The following BBX variants were observed in gnomAD, a reference collection of about 807,000 sequenced individuals.
BBX encodes BBX high mobility group box domain containing.
A neutral mutation model predicts 100.2 loss-of-function variants in BBX; 30 were observed. That is an observed-to-expected ratio of 0.30 (90% CI 0.22 to 0.41). The LOEUF (loss-of-function observed/expected upper bound fraction) is 0.41. BBX is among the 10% of genes least tolerant of loss of function. The pLI, the probability that BBX is intolerant of heterozygous loss-of-function variation, is 1.00. For synonymous variants in BBX, 376 were observed against 388.1 expected (o/e 0.97, Z 0.37); for missense variants, 1,023 against 1,129.8 (o/e 0.91, Z 1.35).
intron 2 of BBX, among the ~76,000 whole-genome samples, chr3:107,592,703 T>C (rs1053764768): frequency 2.0e-5 from 3 of 152,182 alleles, no homozygotes; most frequent in African/African-American, 7.2e-5. Context: ...CTTTTTCAAA[T>C]TTTTCAAATA....
chr3:107,681,898 T>G (rs1696787393), intron 3 of BBX, among the ~76,000 whole-genome samples: 1 of 152,082 alleles, frequency 6.6e-6, no homozygotes, highest in Non-Finnish European at 1.5e-5. Flanking sequence ...TCCAGAATCT[T>G]ACACCTGCTG....
chr3:107,628,434 C>G (rs1282668947), intron 2 of BBX, among the ~76,000 whole-genome samples: 1 of 151,770 alleles, frequency 6.6e-6, no homozygotes, highest in Admixed American at 6.6e-5. Flanking sequence ...TCTCTCAACT[C>G]AGATGTCAAA....
chr3:107,741,762 C>T (rs2064126158), intron 7 of BBX, among the ~76,000 whole-genome samples: 1 of 152,106 alleles, frequency 6.6e-6, no homozygotes, highest in Non-Finnish European at 1.5e-5. Flanking sequence ...TGATATGGCA[C>T]AATATTTTAA....
At chr3:107,755,018 A>G (rs1226066040) in intron 9 of BBX, among the ~76,000 whole-genome samples, 1 of 152,236 alleles carries the variant, frequency 6.6e-6, no homozygotes, top group African/African-American at 2.4e-5. Context: ...ATAGGCCATT[A>G]ACTGTACAAC....
intron 16 of BBX, 109 bp downstream of exon 16, chr3:107,798,829 A>C: frequency 1.0e-6 from 1 of 974,702 alleles, no homozygotes; most frequent in Non-Finnish European, 1.5e-6. Context: ...ACAATAGCCA[A>C]TGAGCTAAAA....
intron 10 of BBX, among the ~76,000 whole-genome samples, chr3:107,760,640 A>G (rs1369968147): frequency 2.6e-5 from 4 of 152,246 alleles, no homozygotes; most frequent in Non-Finnish European, 5.9e-5. Flanking sequence ...AGTGACACAC[A>G]AAAATGAATG....
chr3:107,768,047 C>A (rs2066536844), intron 10 of BBX, among the ~76,000 whole-genome samples: 1 of 152,198 alleles, frequency 6.6e-6, no homozygotes, highest in African/African-American at 2.4e-5. Flanking sequence ...CAGTGTCACT[C>A]TTTCCGCATC....
intron 3 of BBX, among the ~76,000 whole-genome samples, chr3:107,682,482 C>A (rs2059620004): frequency 6.6e-6 from 1 of 152,070 alleles, no homozygotes; most frequent in African/African-American, 2.4e-5. Flanking sequence ...GGGTCTACTC[C>A]AGCAAACCAA....
At chr3:107,628,041 A>G (rs1481775907) in intron 2 of BBX, among the ~76,000 whole-genome samples, 1 of 152,072 alleles carries the variant, frequency 6.6e-6, no homozygotes, top group East Asian at 1.9e-4. Flanking sequence ...AACTGAAGCA[A>G]TTATCTTCTT....
chr3:107,536,085 C>T (rs1027936141), intron 2 of BBX, among the ~76,000 whole-genome samples: 1 of 152,188 alleles, frequency 6.6e-6, no homozygotes, highest in Non-Finnish European at 1.5e-5. Flanking sequence ...AAACATGAAT[C>T]AGATATAGGG....
chr3:107,541,275 A>G (rs2048844061), intron 2 of BBX, among the ~76,000 whole-genome samples: 1 of 152,174 alleles, frequency 6.6e-6, no homozygotes, highest in Non-Finnish European at 1.5e-5. Flanking sequence ...TATTCTGGCC[A>G]TTTGTCTAGA....
intron 3 of BBX, among the ~76,000 whole-genome samples, chr3:107,698,222 G>A (rs188275907): frequency 6.6e-6 from 1 of 151,554 alleles, no homozygotes; most frequent in South Asian, 2.1e-4. Flanking sequence ...GGCTCCTCCC[G>A]CCTTTTAATT....
At chr3:107,776,153 C>CCT (rs1420192317) in intron 12 of BBX, 1 of 152,110 alleles carries the variant, frequency 6.6e-6, no homozygotes, top group Non-Finnish European at 1.5e-5. Context: ...GGTCTGCTCA[C>CCT]TGAGAGAGGA....
chr3:107,735,560 A>G (rs1032585599), intron 7 of BBX, among the ~76,000 whole-genome samples: 4 of 152,064 alleles, frequency 2.6e-5, no homozygotes, highest in East Asian at 1.9e-4. Flanking sequence ...ACCTAACCAT[A>G]TAGAAAAAGT....
chr3:107,553,982 T>C (rs1415995409), intron 2 of BBX, among the ~76,000 whole-genome samples: 1 of 152,208 alleles, frequency 6.6e-6, no homozygotes, highest in African/African-American at 2.4e-5. Flanking sequence ...AAGCAGTTAA[T>C]TACCCTATTT....
intron 2 of BBX, among the ~76,000 whole-genome samples, chr3:107,578,604 G>A (rs1313208095): frequency 6.6e-6 from 1 of 151,998 alleles, no homozygotes; most frequent in East Asian, 1.9e-4. Flanking sequence ...GTTTTTTTAT[G>A]GCTTCATTTT....
chr3:107,672,232 A>G (rs1437930220), intron 3 of BBX, among the ~76,000 whole-genome samples: 2 of 152,058 alleles, frequency 1.3e-5, no homozygotes, highest in African/African-American at 4.8e-5. Flanking sequence ...TGTTAATTAT[A>G]TAACTGTTAG....
chr3:107,550,118 G>A (rs1367719331), intron 2 of BBX, among the ~76,000 whole-genome samples: 3 of 152,068 alleles, frequency 2.0e-5, no homozygotes, highest in African/African-American at 7.2e-5. Context: ...AAGTAGATAA[G>A]GATAGGTAAG....
intron 3 of BBX, among the ~76,000 whole-genome samples, chr3:107,696,812 C>A (rs2060640170): frequency 6.6e-6 from 1 of 151,432 alleles, no homozygotes; most frequent in South Asian, 2.1e-4. Flanking sequence ...TGGTTCCATT[C>A]TCCCCGTCAC....
Sources: allele counts gnomAD v4.1 joint callset (sites outside exome capture counted in the v4.1 genomes callset), GRCh38; gene constraint gnomAD v4.1.1; transcripts MANE v1.5; gene names NCBI Gene and HGNC (gene_info 2026-07-23, HGNC 2026-07-21).